Variants in RSU1 observed in about 807,000 individuals in gnomAD.
RSU1 encodes rsu-1.
In RSU1, 26 loss-of-function variants were observed where a neutral mutation model predicts 31.1. That is an observed-to-expected ratio of 0.84 (90% CI 0.61 to 1.16). The LOEUF is 1.16. Ranked by LOEUF, RSU1 falls within the 50% of genes most tolerant of loss-of-function variation. The pLI is 0.00. For synonymous variants in RSU1, 164 were observed against 136.3 expected, an observed-to-expected ratio of 1.20 and a Z score of -1.41; for missense variants, 320 against 339.1, an observed-to-expected ratio of 0.94 and a Z score of 0.44.
intron 7 of RSU1, among the ~76,000 whole-genome samples, chr10:16,705,636 G>C (rs1588481726): frequency 6.6e-6 from 1 of 151,964 alleles, no homozygotes; most frequent in East Asian, 1.9e-4. Flanking sequence ...CTACAGGCGA[G>C]TGCCACCACA....
chr10:16,648,535 A>C (rs1834620451), intron 8 of RSU1, among the ~76,000 whole-genome samples: 1 of 152,186 alleles, frequency 6.6e-6, no homozygotes, highest in African/African-American at 2.4e-5. Context: ...CAGTTAGCCA[A>C]GTCTATGGCT....
intron 7 of RSU1, among the ~76,000 whole-genome samples, chr10:16,745,262 GGC>G: frequency 6.6e-6 from 1 of 152,218 alleles, no homozygotes; most frequent in South Asian, 2.1e-4. Context: ...CCTGAATCAA[GGC>G]TAAATTCTTT....
intron 2 of RSU1, among the ~76,000 whole-genome samples, chr10:16,814,627 C>T (rs1292993506): frequency 2.0e-5 from 3 of 152,126 alleles, no homozygotes; most frequent in African/African-American, 7.2e-5. Flanking sequence ...CCGAGAAGTC[C>T]TGAGGTCAGG....
intron 3 of RSU1, among the ~76,000 whole-genome samples, chr10:16,780,080 T>A (rs1201285129): frequency 6.6e-6 from 1 of 152,154 alleles, no homozygotes; most frequent in African/African-American, 2.4e-5. Context: ...ACAATGTAAC[T>A]CCACATATAA....
chr10:16,741,246 C>T (rs182851726), intron 7 of RSU1, among the ~76,000 whole-genome samples: 1 of 152,156 alleles, frequency 6.6e-6, no homozygotes, highest in African/African-American at 2.4e-5. Context: ...GCTGGAACAA[C>T]AGGACAGCCA....
chr10:16,623,494 C>T (rs947397891), intron 8 of RSU1, among the ~76,000 whole-genome samples: 1 of 152,164 alleles, frequency 6.6e-6, no homozygotes, highest in Non-Finnish European at 1.5e-5. Flanking sequence ...AACAAACACA[C>T]GAGTGTATGT....
intron 2 of RSU1, among the ~76,000 whole-genome samples, chr10:16,809,152 T>A (rs1410745961): frequency 1.3e-5 from 2 of 152,218 alleles, no homozygotes; most frequent in African/African-American, 4.8e-5. Flanking sequence ...AAACCTGAAA[T>A]ACTGTTTTAC....
intron 8 of RSU1, among the ~76,000 whole-genome samples, chr10:16,599,635 T>C (rs1833682668): frequency 6.6e-6 from 1 of 152,206 alleles, no homozygotes; most frequent in Non-Finnish European, 1.5e-5. Flanking sequence ...CATGGAGAGC[T>C]TGGGAGAAGA....
At chr10:16,635,320 A>T (rs1247284488) in intron 8 of RSU1, among the ~76,000 whole-genome samples, 2 of 152,160 alleles carry the variant, frequency 1.3e-5, no homozygotes, top group Non-Finnish European at 2.9e-5. Context: ...TCCCTCTGCT[A>T]ACCAACTATT....
rs1833500591 is a variant in RSU1 at position 16,591,275 on chromosome 10, C to G, written c.*2119G>C. On this transcript the variant is annotated 3_prime_UTR_variant, in exon 9 of 9. Coordinates refer to ENST00000345264, the MANE Select transcript of RSU1 (RefSeq NM_012425.4). The stretch of plus-strand genomic sequence containing the variant: ...AGACACACCGTAATTCATTGAACCC[C>G]TTTTCCACTGACAGGGATCAGGCTT... 2.0e-5 allele frequency: 3 copies of G among 152,150 alleles called. No homozygotes were observed. Among genetic ancestry groups the G allele is most frequent in the African/African-American group, 7.2e-5 (3 of 41,426 alleles). 9.4% of individuals were successfully genotyped at this position (152,150 alleles called of 1,614,324 possible).
intron 7 of RSU1, among the ~76,000 whole-genome samples, chr10:16,736,885 G>GA (rs1274040080): frequency 1.3e-5 from 2 of 152,128 alleles, no homozygotes; most frequent in Non-Finnish European, 2.9e-5. Context: ...ACTTGGAAGT[G>GA]AAAAATGCAA....
intron 8 of RSU1, among the ~76,000 whole-genome samples, chr10:16,685,847 T>C (rs1293319814): frequency 6.6e-6 from 1 of 151,726 alleles, no homozygotes; most frequent in East Asian, 1.9e-4. Context: ...CAGAGAGAAC[T>C]ATTAAAGTGG....
chr10:16,777,613 T>C (rs1837561446), intron 3 of RSU1, among the ~76,000 whole-genome samples: 1 of 152,154 alleles, frequency 6.6e-6, no homozygotes, highest in South Asian at 2.1e-4. Flanking sequence ...CATATGTGTC[T>C]CAACAGTGAC....
At chr10:16,622,388 G>A (rs1173512407) in intron 8 of RSU1, among the ~76,000 whole-genome samples, 2 of 152,176 alleles carry the variant, frequency 1.3e-5, no homozygotes, top group Non-Finnish European at 2.9e-5. Flanking sequence ...CAGAACCATT[G>A]CATTAGGGAA....
At chr10:16,798,915 A>G (rs1279873099) in intron 2 of RSU1, among the ~76,000 whole-genome samples, 1 of 152,256 alleles carries the variant, frequency 6.6e-6, no homozygotes, top group African/African-American at 2.4e-5. Flanking sequence ...ATTGACTTTC[A>G]TGTAAAAAGA....
intron 2 of RSU1, among the ~76,000 whole-genome samples, chr10:16,798,950 C>T (rs1051886386): frequency 4.6e-5 from 7 of 152,168 alleles, no homozygotes; most frequent in Non-Finnish European, 7.3e-5. Context: ...GTACTATCCA[C>T]AGAAAAAACT....
At chr10:16,665,165 A>C (rs952724617) in intron 8 of RSU1, among the ~76,000 whole-genome samples, 1 of 152,066 alleles carries the variant, frequency 6.6e-6, no homozygotes, top group Non-Finnish European at 1.5e-5. Context: ...GCTAGTCTCA[A>C]ACTCCTCACC....
chr10:16,616,371 CAAA>C (rs529296931), intron 8 of RSU1, among the ~76,000 whole-genome samples: 5,540 of 91,016 alleles, frequency 0.061, 396 homozygotes, highest in African/African-American at 0.16. Context: ...GCCTACCAAC[CAAA>C]AAAAAAAAAA....
At position 16,780,567 on chromosome 10, in the gene RSU1, G is replaced by A. The variant is rs185375719; in HGVS notation, c.160+1467C>T. ...CAGTTTTGCTTTCTTGTGTAAACTGGTTTGCACAAGATAAGCAAAACAAGG... is the reference window on the plus strand; with the variant it reads ...CAGTTTTGCTTTCTTGTGTAAACTGATTTGCACAAGATAAGCAAAACAAGG... On this transcript the variant is annotated intron_variant, in intron 3 of 8. Coordinates refer to ENST00000345264, the MANE Select transcript of RSU1 (RefSeq NM_012425.4). 3.9e-5 allele frequency among the ~76,000 whole-genome samples: 6 copies of A among 152,284 alleles called. No individual in the cohort carries two copies. In the East Asian group the frequency reaches 1.2e-3, roughly 29 times the overall value.
Sources: allele counts gnomAD v4.1 joint callset (sites outside exome capture counted in the v4.1 genomes callset), GRCh38; gene constraint gnomAD v4.1.1; transcripts MANE v1.5; gene names NCBI Gene and HGNC (gene_info 2026-07-23, HGNC 2026-07-21).